LRRC27: variants seen among roughly 807,000 people sequenced by gnomAD.
LRRC27 encodes leucine-rich repeat-containing protein 27.
LRRC27 carries 57 observed loss-of-function variants against 55.0 expected under a neutral mutation model. The observed-to-expected ratio is 1.04, with a 90% confidence interval of 0.84 to 1.29. The LOEUF is 1.29. Among genes scored for constraint, LRRC27 ranks in the 50% most tolerant of loss-of-function variants. The pLI is 0.00. For missense variants in LRRC27, 721 were observed against 651.5 expected, an observed-to-expected ratio of 1.11 and a Z score of -1.16; for synonymous variants, 278 against 251.9, an observed-to-expected ratio of 1.10 and a Z score of -0.98.
In LRRC27 at chr10:132,351,713, G is replaced by T. The variant is rs776906636; in HGVS notation, c.1033G>T (p.Glu345Ter). 1.2e-6 allele frequency: 2 copies of T among 1,613,470 alleles called. No individual in the cohort carries two copies. ...AGAGAGCCGAGCGGCGGCGCTCCGA[G>T]AGCTCCAGGAGAAGCAGGCTCTGAT... Reference protein sequence around the residue: ...LEESRAAALRELQEKQALMEQ... With the variant: ...LEESRAAALR Residue 345 changes from glutamate to a stop codon, truncating the protein, a stop_gained, in exon 7 of 11, where the codon GAG (glutamate) becomes TAG (stop). Transcript: ENST00000368614. LOFTEE classifies it high-confidence loss of function.
rs1026908547 is a variant in LRRC27 at position 132,376,444 on chromosome 10, G to A, written c.*1202G>A. 6.6e-6 allele frequency: 1 copy of A among 152,290 alleles called. No homozygotes were observed. The highest frequency in any genetic ancestry group is 2.4e-5 in the African/African-American group (1 of 41,474). The allele number at this position is 152,290 out of a possible 1,614,324, so 9.4% of individuals were successfully genotyped here. A position where few individuals can be genotyped will look rare whatever the true frequency, so the allele number is the denominator to read the frequency against. Reference sequence around the variant, plus strand: ...AGAAAAGGTGTCAGTGACCTGTTGCGGCCCAGCGGCTGGAGCAGCAGACGT... The same window carrying A: ...AGAAAAGGTGTCAGTGACCTGTTGCAGCCCAGCGGCTGGAGCAGCAGACGT... On this transcript the variant is annotated 3_prime_UTR_variant, in exon 11 of 11. Coordinates refer to ENST00000368614, the MANE Select transcript of LRRC27 (RefSeq NM_030626.3).
At chr10:132,375,033 T>C in intron 10 of LRRC27, 33 bp from the exon 11 acceptor site, 1 of 1,589,260 alleles carries the variant, frequency 6.3e-7, no homozygotes, top group Non-Finnish European at 8.6e-7. Flanking sequence ...CTGCCAGCCT[T>C]TCTAACATCT....
At position 132,351,760 on chromosome 10, in the gene LRRC27, C is replaced by A; in HGVS notation, c.1073+7C>A. ...TGATGGAGCAGCAGAGACGGTGAGTCCACACAGGGTGGGGGTCCGCACAGC... is the reference window on the plus strand; with the variant it reads ...TGATGGAGCAGCAGAGACGGTGAGTACACACAGGGTGGGGGTCCGCACAGC... On this transcript the variant is annotated splice_region_variant and intron_variant, in intron 7 of 10. Transcript: ENST00000368614. 1 of 1,609,180 alleles carries A rather than the reference C, an allele frequency of 6.2e-7. No individual in the cohort carries two copies.
chr10:132,375,204 A>G lies in LRRC27; in HGVS notation c.1555A>G (p.Lys519Glu). Residue 519 changes from lysine (K) to glutamate (E), a missense_variant, in exon 11 of 11, where the codon AAA becomes GAA. Physicochemically the swap from Lys to Glu is moderately conservative, Grantham distance 56. Transcript: ENST00000368614. Reference protein sequence around the residue: ...AQPQNTFFNTKYGESGNVRRY... With the variant: ...AQPQNTFFNTEYGESGNVRRY... ...GCCTCAAAATACATTTTTTAACACA[A>G]AATATGGAGAATCAGGAAATGTTCG... is the stretch of plus-strand genomic sequence containing the variant. 6.2e-7 allele frequency: 1 copy of G among 1,613,866 alleles called. No homozygotes were observed. Among genetic ancestry groups the G allele is most frequent in the Non-Finnish European group, 8.5e-7 (1 of 1,179,832 alleles).
intron 3 of LRRC27, among the ~76,000 whole-genome samples, chr10:132,338,571 A>G (rs2497640): frequency 0.17 from 25,695 of 152,022 alleles, 2,432 homozygotes; most frequent in Non-Finnish European, 0.23. Context: ...GCCCTTCCCC[A>G]GCAGCCAGGA....
chr10:132,346,095 A>T (rs1590635787), intron 5 of LRRC27, among the ~76,000 whole-genome samples: 2 of 152,064 alleles, frequency 1.3e-5, no homozygotes, highest in African/African-American at 4.8e-5. Flanking sequence ...GTTACCCTTG[A>T]GTGTTTTAGG....
chr10:132,331,576 G>C (rs115195531), upstream of LRRC27: 1,299 of 1,612,934 alleles, frequency 8.1e-4, 8 homozygotes, highest in African/African-American at 0.015. Flanking sequence ...AGTGGCTCCA[G>C]GAAGCCCCAG....
chr10:132,343,132 A>AC (rs1191439838), intron 4 of LRRC27, among the ~76,000 whole-genome samples: 1 of 151,976 alleles, frequency 6.6e-6, no homozygotes, highest in Admixed American at 6.6e-5. Flanking sequence ...ACATAGTGAG[A>AC]CCCCATCTCT....
intron 9 of LRRC27, among the ~76,000 whole-genome samples, chr10:132,364,339 CACACTTAATCTACCT>C (rs2068807745): frequency 6.2e-5 from 1 of 16,052 alleles, no homozygotes; most frequent in Non-Finnish European, 1.3e-4. Context: ...TGACCACACC[CACACTTAATCTACCT>C]CCACACCCGC....
In LRRC27 at chr10:132,354,624, G is replaced by A. The variant is rs371504802; in HGVS notation, c.1074-1166G>A. Among the ~76,000 whole-genome samples the A allele has an allele frequency of 2.8e-4, 43 of 152,334 alleles. No homozygotes were observed. In the South Asian group the frequency reaches 4.6e-3, roughly 16 times the overall value. Reference sequence around the variant, plus strand: ...AGGACGCAGCCAGGCTCTGATCCCAGGCAGCACTGACTCGGGATGGAGCCC... The same window carrying A: ...AGGACGCAGCCAGGCTCTGATCCCAAGCAGCACTGACTCGGGATGGAGCCC... On this transcript the variant is annotated intron_variant, in intron 7 of 10. Transcript: ENST00000368614.
In LRRC27 at chr10:132,358,450, C is replaced by T. The variant is rs61864509; in HGVS notation, c.1170+2564C>T. On this transcript the variant is annotated intron_variant, in intron 8 of 10. Coordinates refer to ENST00000368614, the MANE Select transcript of LRRC27 (RefSeq NM_030626.3). ...GGGAGGAGCCGAGGTGATGGAGCAG[C>T]GTGGGGAGGAGCCGAGGTGATGGAG... Among the ~76,000 whole-genome samples the T allele has an allele frequency of 8.5e-3, 43 of 5,060 alleles. 5 individuals carry two copies. Among genetic ancestry groups the T allele is most frequent in the Admixed American group, 0.012 (5 of 412 alleles). The allele number at this position is 5,060 out of a possible 152,430, so 3.3% of individuals were successfully genotyped here. A position where few individuals can be genotyped will look rare whatever the true frequency, so the allele number is the denominator to read the frequency against.
chr10:132,340,919 C>T (rs1378535348), intron 3 of LRRC27, among the ~76,000 whole-genome samples: 1 of 149,902 alleles, frequency 6.7e-6, no homozygotes, highest in Non-Finnish European at 1.5e-5. Flanking sequence ...AAGGAAAATC[C>T]AAGAAAGTAA....
chr10:132,358,992 A>G (rs111963366), intron 8 of LRRC27, among the ~76,000 whole-genome samples: 43 of 8,572 alleles, frequency 5.0e-3, no homozygotes, highest in South Asian at 7.2e-3. Flanking sequence ...GGAGCGTGGG[A>G]AGGAGCCGAG....
Position 132,377,157 on chromosome 10 carries a change from C to T in LRRC27, c.*1915C>T, listed in dbSNP as rs1041606863. The stretch of plus-strand genomic sequence containing the variant: ...TCCTTCTACTGTACTGGATTTAAAG[C>T]GCACCTTATAGAGACATCATATACT... On this transcript the variant is annotated 3_prime_UTR_variant, in exon 11 of 11. Coordinates refer to ENST00000368614, the MANE Select transcript of LRRC27 (RefSeq NM_030626.3). The T allele has an allele frequency of 2.6e-5, 4 of 152,124 alleles. No homozygotes were observed. Among genetic ancestry groups the T allele is most frequent in the African/African-American group, 9.7e-5 (4 of 41,402 alleles). The allele number at this position is 152,124 out of a possible 1,614,324, so 9.4% of individuals were successfully genotyped here.
intron 10 of LRRC27, chr10:132,366,987 C>G (rs1238727346): frequency 1.5e-5 from 19 of 1,245,720 alleles, no homozygotes; most frequent in South Asian, 5.2e-5. Context: ...TAGATAAACT[C>G]TTATTCTTTC....
chr10:132,376,451 C>A lies in LRRC27; in HGVS notation c.*1209C>A, dbSNP rs146557295. ...GTGTCAGTGACCTGTTGCGGCCCAGCGGCTGGAGCAGCAGACGTTTGCCAT... is the reference window on the plus strand; with the variant it reads ...GTGTCAGTGACCTGTTGCGGCCCAGAGGCTGGAGCAGCAGACGTTTGCCAT... On this transcript the variant is annotated 3_prime_UTR_variant, in exon 11 of 11. Coordinates refer to ENST00000368614, the MANE Select transcript of LRRC27 (RefSeq NM_030626.3). 3.5e-4 allele frequency: 53 copies of A among 152,398 alleles called. No homozygotes were observed. The highest frequency in any genetic ancestry group is 3.4e-3 in the Middle Eastern group (1 of 294). 9.4% of individuals were successfully genotyped at this position (152,398 alleles called of 1,614,324 possible).
intron 8 of LRRC27, among the ~76,000 whole-genome samples, chr10:132,360,391 C>T (rs578091801): frequency 1.5e-4 from 23 of 152,280 alleles, no homozygotes; most frequent in Middle Eastern, 3.4e-3. Flanking sequence ...CCACTGCGCC[C>T]GGCCAGGATT....
chr10:132,331,013 CA>C (rs1280397025), upstream of LRRC27, among the ~76,000 whole-genome samples: 1 of 150,660 alleles, frequency 6.6e-6, no homozygotes, highest in African/African-American at 2.4e-5. Context: ...CCAGCCTGGC[CA>C]ACATGATGAA....
At chr10:132,365,045 T>G (rs1409731905) in intron 9 of LRRC27, among the ~76,000 whole-genome samples, 3 of 152,284 alleles carry the variant, frequency 2.0e-5, no homozygotes, top group Non-Finnish European at 4.4e-5. Flanking sequence ...TTTAAGGATT[T>G]AGGAAAACCG....
Sources: gnomAD v4.1 joint callset for allele counts (sites outside exome capture counted in the v4.1 genomes callset) on GRCh38, gnomAD v4.1.1 for gene constraint, MANE v1.5 for transcripts, NCBI Gene and HGNC (gene_info 2026-07-23, HGNC 2026-07-21) for gene names.